The following FBXO42 variants were observed in gnomAD, a reference collection of about 807,000 sequenced individuals.
FBXO42 encodes F-box only protein 42.
Under a neutral mutation model 71.7 loss-of-function variants are expected in FBXO42, and 12 were observed. The observed-to-expected ratio is 0.17, with a 90% CI of 0.11 to 0.27. The LOEUF (loss-of-function observed/expected upper bound fraction) is 0.27, where lower values mean the gene tolerates loss of function less well. Among genes scored for constraint, FBXO42 ranks in the 10% least tolerant of loss-of-function variants. FBXO42 has a pLI of 1.00. For missense variants in FBXO42, 707 were observed against 911.9 expected (o/e 0.78, Z 2.89); for synonymous variants, 325 against 327.5 (o/e 0.99, Z 0.08).
intron 4 of FBXO42, among the ~76,000 whole-genome samples, chr1:16,267,006 T>TCCAC (rs2081783429): frequency 6.6e-6 from 1 of 152,186 alleles, no homozygotes; most frequent in Non-Finnish European, 1.5e-5. Flanking sequence ...AAAAGCATGT[T>TCCAC]TCATGGTTCT....
intron 4 of FBXO42, among the ~76,000 whole-genome samples, chr1:16,282,537 TAA>T (rs35509397): frequency 0.19 from 27,542 of 146,600 alleles, 2,897 homozygotes; most frequent in Non-Finnish European, 0.24. Context: ...TTTTCTCTTT[TAA>T]AAAAAAAAAA....
intron 2 of FBXO42, among the ~76,000 whole-genome samples, chr1:16,306,808 C>T (rs536171294): frequency 2.6e-4 from 40 of 152,310 alleles, no homozygotes; most frequent in South Asian, 1.7e-3. Flanking sequence ...AAGCAATACT[C>T]CTACCTCTGC....
In FBXO42 at chr1:16,263,807, C is replaced by CTTT. The variant is rs1193282987; in HGVS notation, c.503-7051_503-7049dup. Among the ~76,000 whole-genome samples, 60 of 126,632 alleles carry CTTT rather than the reference C, an allele frequency of 4.7e-4. 2 individuals are homozygous for CTTT. The highest frequency in any genetic ancestry group is 8.0e-4 in the Non-Finnish European group (48 of 60,338). 83.1% of individuals were successfully genotyped at this position (126,632 alleles called of 152,430 possible). A position where few individuals can be genotyped will look rare whatever the true frequency, so the allele number is the denominator to read the frequency against. On this transcript the variant is annotated intron_variant, in intron 4 of 9. Coordinates refer to ENST00000375592, the MANE Select transcript of FBXO42 (RefSeq NM_018994.3). Reference sequence around the variant, plus strand: ...CAAAAAACCCACGGCCATACATTAACTTTTTTTTTTTTTTTTTTTGGAGGC... The same window carrying CTTT: ...CAAAAAACCCACGGCCATACATTAACTTTTTTTTTTTTTTTTTTTTTTGGAGGC...
rs372791251 is a variant in FBXO42 at position 16,280,602 on chromosome 1, T to C, written c.502+14181A>G. ...CATTAGGGAAACTGGGTGTCAGATA[T>C]ATGGAAACTCTCTCTGTTCTATTCT... On this transcript the variant is annotated intron_variant, in intron 4 of 9. Coordinates refer to ENST00000375592, the MANE Select transcript of FBXO42 (RefSeq NM_018994.3). Among the ~76,000 whole-genome samples, 10 of 152,242 alleles carry C rather than the reference T, an allele frequency of 6.6e-5. No individual in the cohort carries two copies. In the East Asian group the frequency reaches 1.2e-3, roughly 18 times the overall value.
At chr1:16,278,907 C>T (rs1019989823) in intron 4 of FBXO42, among the ~76,000 whole-genome samples, 1 of 152,062 alleles carries the variant, frequency 6.6e-6, no homozygotes, top group Non-Finnish European at 1.5e-5. Context: ...GCCTCCCGAG[C>T]AGCTGGGACT....
chr1:16,322,164 T>A (rs1027070989), intron 1 of FBXO42, among the ~76,000 whole-genome samples: 1 of 152,200 alleles, frequency 6.6e-6, no homozygotes, highest in East Asian at 1.9e-4. Flanking sequence ...TGGTCAGAAT[T>A]AATACAAATC....
intron 4 of FBXO42, among the ~76,000 whole-genome samples, chr1:16,291,442 G>T (rs778239679): frequency 6.6e-6 from 1 of 151,726 alleles, no homozygotes; most frequent in Admixed American, 6.6e-5. Context: ...GTGCTGTGGC[G>T]CAATCTTGGC....
At chr1:16,300,241 T>C (rs1377022593) in intron 3 of FBXO42, among the ~76,000 whole-genome samples, 1 of 152,208 alleles carries the variant, frequency 6.6e-6, no homozygotes, top group Non-Finnish European at 1.5e-5. Flanking sequence ...CAAATAATAC[T>C]GAGAGTGTCT....
At chr1:16,349,586 C>A (rs561205717) in intron 1 of FBXO42, among the ~76,000 whole-genome samples, 2 of 152,196 alleles carry the variant, frequency 1.3e-5, no homozygotes, top group African/African-American at 2.4e-5. Context: ...CAGGGCCGGG[C>A]GCAGTGGCTC....
intron 4 of FBXO42, among the ~76,000 whole-genome samples, chr1:16,261,703 A>C (rs1442354673): frequency 3.1e-5 from 4 of 129,428 alleles, no homozygotes; most frequent in African/African-American, 9.1e-5. Context: ...CAGGTATATC[A>C]ATTTTTTTTT....
chr1:16,260,209 CTT>C (rs35806590), intron 4 of FBXO42, among the ~76,000 whole-genome samples: 220 of 125,354 alleles, frequency 1.8e-3, no homozygotes, highest in Middle Eastern at 8.2e-3. Flanking sequence ...TACTATGCAG[CTT>C]TTTTTTTTTT....
At position 16,265,778 on chromosome 1, in the gene FBXO42, AT is replaced by A. The variant is rs1478135955; in HGVS notation, c.503-9020del. ...GAAGTTTAGGTTCAGATAAGTCCCTATTAAAAAAAAAAAAAAAGACATTTCA... is the reference window on the plus strand; with the variant it reads ...GAAGTTTAGGTTCAGATAAGTCCCTATAAAAAAAAAAAAAAAGACATTTCA... On this transcript the variant is annotated intron_variant, in intron 4 of 9. Transcript: ENST00000375592. Among the ~76,000 whole-genome samples the A allele has an allele frequency of 2.2e-5, 3 of 133,862 alleles. No homozygotes were observed. In the East Asian group the frequency reaches 6.1e-4, roughly 27 times the overall value. 87.8% of individuals were successfully genotyped at this position (133,862 alleles called of 152,430 possible).
At chr1:16,281,355 A>T (rs2081961392) in intron 4 of FBXO42, among the ~76,000 whole-genome samples, 2 of 152,200 alleles carry the variant, frequency 1.3e-5, no homozygotes, top group South Asian at 4.1e-4. Context: ...ATCTGGGCGA[A>T]CCAGCACCTC....
Position 16,250,952 on chromosome 1 carries a change from G to C in FBXO42, c.1872C>G (p.His624Gln), listed in dbSNP as rs1384048614. Reference protein sequence around the residue: ...LPPIARRLGHHPPQSLNVGKP... With the variant: ...LPPIARRLGHQPPQSLNVGKP... Reference sequence around the variant, plus strand: ...TGCCAACATTTAGGGACTGTGGAGGGTGGTGGCCCAGGCGGCGAGCAATGG... The same window carrying C: ...TGCCAACATTTAGGGACTGTGGAGGCTGGTGGCCCAGGCGGCGAGCAATGG... The change falls in exon 10 of 10, where the codon CAC becomes CAG. Residue 624 changes from histidine (H) to glutamine (Q), a missense_variant. Physicochemically the swap from His to Gln is conservative, Grantham distance 24 (BLOSUM62 0). Coordinates refer to ENST00000375592, the MANE Select transcript of FBXO42 (RefSeq NM_018994.3). This position sits in a 1 kb window ranked among gnomAD's most constrained non-coding sequence, Gnocchi z 4.7. 1.9e-6 allele frequency: 3 copies of C among 1,614,210 alleles called. No homozygotes were observed. The highest frequency in any genetic ancestry group is 2.2e-5 in the East Asian group (1 of 44,880).
At chr1:16,352,220 C>T (rs1347670057) in intron 1 of FBXO42, 35 bp downstream of exon 1, 3 of 392,676 alleles carry the variant, frequency 7.6e-6, no homozygotes, top group Non-Finnish European at 1.3e-5. Context: ...GGCGCCGGCT[C>T]CCCTCTGCGG....
chr1:16,319,000 AT>A (rs972125705), intron 1 of FBXO42, among the ~76,000 whole-genome samples: 6 of 152,226 alleles, frequency 3.9e-5, no homozygotes, highest in African/African-American at 1.4e-4. Context: ...TAATTTTATT[AT>A]TTTTTAATAC....
chr1:16,258,769 C>T (rs2081677348), intron 4 of FBXO42, among the ~76,000 whole-genome samples: 1 of 151,412 alleles, frequency 6.6e-6, no homozygotes, highest in South Asian at 2.1e-4. Context: ...CAGGGTCTAG[C>T]TTTGTCACCC....
At chr1:16,329,994 A>G (rs1177002165) in intron 1 of FBXO42, among the ~76,000 whole-genome samples, 1 of 152,180 alleles carries the variant, frequency 6.6e-6, no homozygotes, top group Non-Finnish European at 1.5e-5. Context: ...GCAGATTTCC[A>G]AATAATTCGT....
At chr1:16,294,598 T>C (rs2082110485) in intron 4 of FBXO42, 185 bp downstream of exon 4, 4 of 613,096 alleles carry the variant, frequency 6.5e-6, no homozygotes, top group Non-Finnish European at 1.1e-5. Context: ...TGATAAAGTA[T>C]AATTTAACAA....
Sources: allele counts gnomAD v4.1 joint callset (sites outside exome capture counted in the v4.1 genomes callset), GRCh38; gene constraint gnomAD v4.1.1; non-coding constraint Gnocchi (gnomAD v3.1); transcripts MANE v1.5; gene names NCBI Gene and HGNC (gene_info 2026-07-23, HGNC 2026-07-21).